Variants in ASTN2 observed in about 807,000 individuals in gnomAD.
The protein encoded by ASTN2 is astrotactin 2, also known as astrotactin-2.
A neutral mutation model predicts 139.8 loss-of-function variants in ASTN2; 54 were observed. The ratio of observed to expected loss-of-function variants is 0.39; its 90% CI spans 0.31 to 0.48. The LOEUF is 0.48. ASTN2 is among the 20% of genes least tolerant of loss of function. ASTN2 has a pLI of 0.95. For missense variants in ASTN2, 1,565 were observed against 1,725.1 expected (o/e 0.91, Z 1.64); for synonymous variants, 756 against 719.5 (o/e 1.05, Z -0.81).
chr9:117,106,851 G>T (rs974020756), intron 4 of ASTN2, among the ~76,000 whole-genome samples: 2 of 151,630 alleles, frequency 1.3e-5, no homozygotes, highest in East Asian at 3.9e-4. Context: ...ATACATATTG[G>T]GGTTAAATTA....
chr9:117,335,371 T>C (rs1828038691), intron 1 of ASTN2, among the ~76,000 whole-genome samples: 1 of 152,196 alleles, frequency 6.6e-6, no homozygotes, highest in Non-Finnish European at 1.5e-5. Flanking sequence ...CTCCTATGTT[T>C]GGCAAGTACT....
rs1187362720 is a variant in ASTN2 at position 117,117,119 on chromosome 9, A to G, written c.1169-20968T>C. The stretch of plus-strand genomic sequence containing the variant: ...GTGAGGTTTTCACAGCAGTCAAGAA[A>G]TCAGGCAAGTGAAAAACAGAGAGGG... On this transcript the variant is annotated intron_variant, in intron 4 of 22. Transcript: ENST00000313400. 2.0e-5 allele frequency among the ~76,000 whole-genome samples: 3 copies of G among 152,064 alleles called. No individual in the cohort carries two copies. The East Asian group carries it at 5.8e-4, about 29-fold the overall frequency.
chr9:117,079,366 G>C (rs745353779), intron 5 of ASTN2, among the ~76,000 whole-genome samples: 1 of 152,092 alleles, frequency 6.6e-6, no homozygotes, highest in East Asian at 1.9e-4. Context: ...GAGAGAGTGA[G>C]AGAGAGACAG....
intron 1 of ASTN2, among the ~76,000 whole-genome samples, chr9:117,406,857 AACACACACACACACACACACACACACAC>A (rs59125408): frequency 1.3e-4 from 19 of 144,240 alleles, no homozygotes; most frequent in Admixed American, 6.3e-4. Context: ...ATTGTCCCCT[AACACACACACACACACACACACACACAC>A]ACACACACAC....
intron 12 of ASTN2, among the ~76,000 whole-genome samples, chr9:116,810,081 A>G (rs1295597194): frequency 6.6e-6 from 1 of 152,130 alleles, no homozygotes; most frequent in Non-Finnish European, 1.5e-5. Flanking sequence ...CAAATAAGAA[A>G]CTAGCTTTTG....
intron 16 of ASTN2, among the ~76,000 whole-genome samples, chr9:116,678,880 A>G (rs1466990816): frequency 2.0e-5 from 3 of 152,176 alleles, no homozygotes; most frequent in Non-Finnish European, 2.9e-5. Flanking sequence ...AACGGATATA[A>G]AATTTTATTT....
intron 17 of ASTN2, among the ~76,000 whole-genome samples, chr9:116,631,773 A>G (rs2131860694): frequency 6.6e-6 from 1 of 152,334 alleles, no homozygotes; most frequent in Admixed American, 6.5e-5. Flanking sequence ...GATGATGGAT[A>G]TCCGAGTTAC....
At position 116,513,495 on chromosome 9, in the gene ASTN2, C is replaced by T. The variant is rs201978163; in HGVS notation, c.3356-25995G>A. On this transcript the variant is annotated intron_variant, in intron 19 of 22. Transcript: ENST00000313400. The stretch of plus-strand genomic sequence containing the variant: ...TTATGTGTCTTGGAGTTGCTCTTCT[C>T]AAGGAGTTCTTTGTGGCTTTCTCTG... Among the ~76,000 whole-genome samples the T allele has an allele frequency of 0.017, 2,616 of 151,854 alleles. 338 individuals are homozygous for T. The South Asian group carries it at 0.26, about 15-fold the overall frequency.
At chr9:117,413,103 C>T (rs551983198) in intron 1 of ASTN2, among the ~76,000 whole-genome samples, 2 of 152,356 alleles carry the variant, frequency 1.3e-5, no homozygotes, top group South Asian at 4.1e-4. Flanking sequence ...GGGGCTCGAC[C>T]CCCGAGGTTC....
At chr9:117,152,962 C>T (rs1830356529) in intron 3 of ASTN2, among the ~76,000 whole-genome samples, 1 of 152,020 alleles carries the variant, frequency 6.6e-6, no homozygotes, top group Admixed American at 6.6e-5. Context: ...TTATGTAATC[C>T]TCATAATGTC....
At chr9:116,632,249 GAAGGAAAGAAA>G (rs1856832857) in intron 17 of ASTN2, among the ~76,000 whole-genome samples, 2 of 128,928 alleles carry the variant, frequency 1.6e-5, no homozygotes, top group Non-Finnish European at 3.3e-5. Context: ...AAGAAAGAAA[GAAGGAAAGAAA>G]GAAAGAAAGA....
intron 20 of ASTN2, among the ~76,000 whole-genome samples, chr9:116,465,318 T>C (rs1848618020): frequency 6.6e-6 from 1 of 152,128 alleles, no homozygotes; most frequent in Admixed American, 6.5e-5. Flanking sequence ...TCTGGTCGAC[T>C]GGACACATCA....
In ASTN2 at chr9:117,220,676, G is replaced by C. The variant is rs141109086; in HGVS notation, c.631-5934C>G. Among the ~76,000 whole-genome samples, 57 of 152,272 alleles carry C rather than the reference G, an allele frequency of 3.7e-4. 2 individuals are homozygous for C. The East Asian group carries it at 0.011, about 29-fold the overall frequency. On this transcript the variant is annotated intron_variant, in intron 2 of 22. Transcript: ENST00000313400. Reference sequence around the variant, plus strand: ...GAAACTGGTAGAAAGGCATGGGACAGATTCTCCCTCAGAGCCTCCGGGAGG... The same window carrying C: ...GAAACTGGTAGAAAGGCATGGGACACATTCTCCCTCAGAGCCTCCGGGAGG...
Position 117,065,872 on chromosome 9 carries a change from A to G in ASTN2, c.1277-25907T>C, listed in dbSNP as rs528563746. Among the ~76,000 whole-genome samples, 7 of 152,238 alleles carry G rather than the reference A, an allele frequency of 4.6e-5. No individual in the cohort carries two copies. The South Asian group carries it at 1.2e-3, about 27-fold the overall frequency. On this transcript the variant is annotated intron_variant, in intron 5 of 22. Coordinates refer to ENST00000313400, the MANE Select transcript of ASTN2 (RefSeq NM_001365068.1). ...GCACCAGCTTTGGGGTCAAATAGGC[A>G]TATGCTCTGATTCTGTCACTTTCTT...
At chr9:116,565,595 C>A (rs1323448308) in intron 19 of ASTN2, among the ~76,000 whole-genome samples, 1 of 146,390 alleles carries the variant, frequency 6.8e-6, no homozygotes, top group Non-Finnish European at 1.5e-5. Flanking sequence ...CAGCCTCAGT[C>A]TCCTGAGTAA....
chr9:117,141,318 G>T lies in ASTN2; in HGVS notation c.1168+8C>A, dbSNP rs1830069280. On this transcript the variant is annotated splice_region_variant and intron_variant, in intron 4 of 22. Coordinates refer to ENST00000313400, the MANE Select transcript of ASTN2 (RefSeq NM_001365068.1). ...GACTTCCTGGCCAGATGTGCCAGGA[G>T]GGCCTACCTCGAGACTTGCTCCTCC... The T allele has an allele frequency of 7.3e-7, 1 of 1,366,788 alleles. No individual in the cohort carries two copies. Among genetic ancestry groups the T allele is most frequent in the Middle Eastern group, 2.1e-4 (1 of 4,762 alleles). 84.7% of individuals were successfully genotyped at this position (1,366,788 alleles called of 1,614,324 possible).
In ASTN2 at chr9:116,697,879, A is replaced by G. The variant is rs151330357; in HGVS notation, c.2806+27892T>C. The G allele has an allele frequency of 1.9e-6, 3 of 1,614,094 alleles. No individual in the cohort carries two copies. The African/African-American group carries it at 4.0e-5, about 22-fold the overall frequency. ...CACTGTGGCCATACCATCTGCCGCC[A>G]GTGCCTGGAGAAGCTATTGGCCAGT... On this transcript the variant is annotated intron_variant, in intron 16 of 22. Coordinates refer to ENST00000313400, the MANE Select transcript of ASTN2 (RefSeq NM_001365068.1).
At chr9:117,044,359 C>T (rs945431938) in intron 5 of ASTN2, among the ~76,000 whole-genome samples, 1 of 152,158 alleles carries the variant, frequency 6.6e-6, no homozygotes, top group Non-Finnish European at 1.5e-5. Flanking sequence ...CAGTTGTTTC[C>T]GAAGTCCAGG....
rs16934300 is a variant in ASTN2 at position 117,096,652 on chromosome 9, C to T, written c.1169-501G>A. On this transcript the variant is annotated intron_variant, in intron 4 of 22. Transcript: ENST00000313400. ...ACTCAGTCTTTGCCAGGCACGGGATCATAAGCTAGTCAGCAGGACAAATGG... is the reference window on the plus strand; with the variant it reads ...ACTCAGTCTTTGCCAGGCACGGGATTATAAGCTAGTCAGCAGGACAAATGG... Among the ~76,000 whole-genome samples, 1,402 of 152,250 alleles carry T rather than the reference C, an allele frequency of 9.2e-3. 25 individuals are homozygous for T. The highest frequency in any genetic ancestry group is 0.032 in the African/African-American group (1,319 of 41,556).
Sources: gnomAD v4.1 joint callset for allele counts (sites outside exome capture counted in the v4.1 genomes callset) on GRCh38, gnomAD v4.1.1 for gene constraint, MANE v1.5 for transcripts, NCBI Gene and HGNC (gene_info 2026-07-23, HGNC 2026-07-21) for gene names.